The following KCND3 variants were observed in gnomAD, a reference collection of about 807,000 sequenced individuals.
The protein encoded by KCND3 is A-type voltage-gated potassium channel KCND3.
A neutral mutation model predicts 51.1 loss-of-function variants in KCND3; 9 were observed. The observed-to-expected ratio is 0.18, with a 90% CI of 0.11 to 0.31. The LOEUF (loss-of-function observed/expected upper bound fraction) is 0.31, where lower values mean the gene tolerates loss of function less well. Ranked by LOEUF, KCND3 falls within the 10% of genes least tolerant of loss-of-function variation. KCND3 has a pLI of 1.00. For missense variants in KCND3, 526 were observed against 903.8 expected (o/e 0.58, Z 5.36); for synonymous variants, 349 against 368.0 (o/e 0.95, Z 0.59).
At chr1:111,832,719 T>G (rs1057103823) in intron 2 of KCND3, among the ~76,000 whole-genome samples, 1 of 152,162 alleles carries the variant, frequency 6.6e-6, no homozygotes, top group Non-Finnish European at 1.5e-5. Context: ...GGCAGAATGA[T>G]AAATGTGATG....
rs952399303 is a variant in KCND3 at position 111,789,938 on chromosome 1, C to T, written c.1107-2832G>A. On this transcript the variant is annotated intron_variant, in intron 2 of 7. Coordinates refer to ENST00000302127, the MANE Select transcript of KCND3 (RefSeq NM_001378969.1). ...TGGTTAGCAGGGTTTGCACAACCAT[C>T]TCCAGTCTTCTGGCACTTCTCAAAG... Among the ~76,000 whole-genome samples the T allele has an allele frequency of 2.0e-5, 3 of 152,208 alleles. No individual in the cohort carries two copies. The East Asian group carries it at 5.8e-4, about 29-fold the overall frequency.
At chr1:111,784,145 C>CACACACACA (rs1553236817) in intron 3 of KCND3, among the ~76,000 whole-genome samples, 4 of 125,078 alleles carry the variant, frequency 3.2e-5, no homozygotes, top group African/African-American at 1.3e-4. Flanking sequence ...ACACACACAC[C>CACACACACA]AGTCCAAGTA....
intron 2 of KCND3, among the ~76,000 whole-genome samples, chr1:111,845,017 G>T (rs1667484146): frequency 6.6e-6 from 1 of 152,146 alleles, no homozygotes; most frequent in Non-Finnish European, 1.5e-5. Flanking sequence ...TCATAGCCCA[G>T]GTTCTTCAGT....
chr1:111,846,291 C>T (rs1667544354), intron 2 of KCND3, among the ~76,000 whole-genome samples: 1 of 152,222 alleles, frequency 6.6e-6, no homozygotes, highest in South Asian at 2.1e-4. Context: ...TCTTTCACTT[C>T]TGGGCCACTG....
chr1:111,788,093 C>G (rs529707826), intron 2 of KCND3, among the ~76,000 whole-genome samples: 1 of 152,362 alleles, frequency 6.6e-6, no homozygotes, highest in South Asian at 2.1e-4. Flanking sequence ...CAGCTGCCCT[C>G]TGGAACCAGG....
At chr1:111,821,053 T>C (rs1272597854) in intron 2 of KCND3, among the ~76,000 whole-genome samples, 6 of 152,232 alleles carry the variant, frequency 3.9e-5, no homozygotes, top group African/African-American at 7.2e-5. Context: ...TAGTTTGTGA[T>C]ACATTGTTAT....
Position 111,862,950 on chromosome 1 carries a change from G to T in KCND3, c.1107-75844C>A, listed in dbSNP as rs1443951226. Among the ~76,000 whole-genome samples the T allele has an allele frequency of 2.0e-5, 3 of 152,224 alleles. No individual in the cohort carries two copies. The South Asian group carries it at 6.2e-4, about 32-fold the overall frequency. ...CCTACCAGATGGGCAATACGTGACC[G>T]TTCCCATCTAGGCACCTTGGCACTG... On this transcript the variant is annotated intron_variant, in intron 2 of 7. Coordinates refer to ENST00000302127, the MANE Select transcript of KCND3 (RefSeq NM_001378969.1).
At chr1:111,979,997 G>A (rs1482955405) in intron 2 of KCND3, among the ~76,000 whole-genome samples, 1 of 152,134 alleles carries the variant, frequency 6.6e-6, no homozygotes, top group African/African-American at 2.4e-5. Flanking sequence ...GGCCATGGGT[G>A]AGGTCCCCTT....
chr1:111,961,558 C>T (rs570941207), intron 2 of KCND3, among the ~76,000 whole-genome samples: 3 of 152,152 alleles, frequency 2.0e-5, no homozygotes, highest in Non-Finnish European at 4.4e-5. Flanking sequence ...AAGCTCCTTC[C>T]CTCCTTGCCT....
At chr1:111,946,782 T>C (rs1323349276) in intron 2 of KCND3, among the ~76,000 whole-genome samples, 1 of 152,180 alleles carries the variant, frequency 6.6e-6, no homozygotes, top group Non-Finnish European at 1.5e-5. Context: ...CCACACCACA[T>C]ATGGGGGCCC....
intron 2 of KCND3, among the ~76,000 whole-genome samples, chr1:111,863,484 T>C (rs1348907329): frequency 6.6e-6 from 1 of 152,218 alleles, no homozygotes; most frequent in East Asian, 1.9e-4. Context: ...AATGGGAGTC[T>C]TCTGGGACGA....
chr1:111,982,882 G>C lies in KCND3; in HGVS notation c.-72-84C>G. ...AATGGGACACAGGAAAGGATCACTG[G>C]TGAGTGAAACGGCCAAAGTCTCCAG... On this transcript the variant is annotated intron_variant, in intron 1 of 7. Coordinates refer to ENST00000302127, the MANE Select transcript of KCND3 (RefSeq NM_001378969.1). This position sits in a 1 kb window ranked among gnomAD's most constrained non-coding sequence, Gnocchi z 8.5. 10 of 1,088,624 alleles carry C rather than the reference G, an allele frequency of 9.2e-6. No homozygotes were observed. Among genetic ancestry groups the C allele is most frequent in the Non-Finnish European group, 1.3e-5 (10 of 749,988 alleles). 67.4% of individuals were successfully genotyped at this position (1,088,624 alleles called of 1,614,324 possible).
At chr1:111,952,859 G>C (rs1037029421) in intron 2 of KCND3, among the ~76,000 whole-genome samples, 7 of 152,020 alleles carry the variant, frequency 4.6e-5, no homozygotes, top group Admixed American at 6.5e-5. Context: ...GGTGTCTCTG[G>C]TTCCCTCTTC....
At chr1:111,846,729 G>C (rs75938872) in intron 2 of KCND3, among the ~76,000 whole-genome samples, 4,152 of 152,310 alleles carry the variant, frequency 0.027, 89 homozygotes, top group Non-Finnish European at 0.038. Flanking sequence ...TATGTGCCAG[G>C]CATTGTCAGC....
chr1:111,907,727 A>G (rs1466901882), intron 2 of KCND3, among the ~76,000 whole-genome samples: 1 of 152,228 alleles, frequency 6.6e-6, no homozygotes, highest in East Asian at 1.9e-4. Flanking sequence ...TATTCCTCCT[A>G]TGTGCACACA....
At position 111,964,671 on chromosome 1, in the gene KCND3, C is replaced by A. The variant is rs930549; in HGVS notation, c.1106+16950G>T. On this transcript the variant is annotated intron_variant, in intron 2 of 7. Transcript: ENST00000302127. Reference sequence around the variant, plus strand: ...AATCAAAGTTTATATTTTTGAAATTCTAGGTGTTACTAGGAGGTAGACACA... The same window carrying A: ...AATCAAAGTTTATATTTTTGAAATTATAGGTGTTACTAGGAGGTAGACACA... 9.3e-3 allele frequency among the ~76,000 whole-genome samples: 1,414 copies of A among 152,238 alleles called. 23 individuals carry two copies. The highest frequency in any genetic ancestry group is 0.033 in the African/African-American group (1,355 of 41,528).
At position 111,772,189 on chromosome 1, in the gene KCND3, A is replaced by G. The variant is rs1663953754; in HGVS notation, c.*3888T>C. 1 of 152,172 alleles carries G rather than the reference A, an allele frequency of 6.6e-6. No homozygotes were observed. The highest frequency in any genetic ancestry group is 2.4e-5 in the African/African-American group (1 of 41,430). 9.4% of individuals were successfully genotyped at this position (152,172 alleles called of 1,614,324 possible). A position where few individuals can be genotyped will look rare whatever the true frequency, so the allele number is the denominator to read the frequency against. On this transcript the variant is annotated 3_prime_UTR_variant, in exon 8 of 8. Coordinates refer to ENST00000302127, the MANE Select transcript of KCND3 (RefSeq NM_001378969.1). ...GCTACTTTACCTACTACCATCACAGACTGTCATAAGAACCACAAGGAGTAT... is the reference window on the plus strand; with the variant it reads ...GCTACTTTACCTACTACCATCACAGGCTGTCATAAGAACCACAAGGAGTAT...
chr1:111,969,035 A>T (rs1304250874), intron 2 of KCND3, among the ~76,000 whole-genome samples: 1 of 152,098 alleles, frequency 6.6e-6, no homozygotes, highest in Non-Finnish European at 1.5e-5. Context: ...AGGGGCAAAA[A>T]CACGAAGTTT....
At chr1:111,825,021 T>C (rs755154070) in intron 2 of KCND3, among the ~76,000 whole-genome samples, 2 of 152,162 alleles carry the variant, frequency 1.3e-5, no homozygotes, top group Non-Finnish European at 2.9e-5. Flanking sequence ...GACATTTCAG[T>C]AACAGTGTTA....
Sources: allele counts gnomAD v4.1 joint callset (sites outside exome capture counted in the v4.1 genomes callset), GRCh38; gene constraint gnomAD v4.1.1; non-coding constraint Gnocchi (gnomAD v3.1); transcripts MANE v1.5; gene names NCBI Gene and HGNC (gene_info 2026-07-23, HGNC 2026-07-21).